TMC2: variants seen among roughly 807,000 people sequenced by gnomAD.
TMC2 encodes transmembrane channel like 2, also known as transmembrane channel-like protein 2.
A neutral mutation model predicts 105.9 loss-of-function variants in TMC2; 102 were observed. That is an observed-to-expected ratio of 0.96 (90% CI 0.82 to 1.14). TMC2 has a LOEUF of 1.14. Among genes scored for constraint, TMC2 ranks in the 50% most tolerant of loss-of-function variants. The pLI is 0.00. For missense variants in TMC2, 1,093 were observed against 1,134.3 expected, an observed-to-expected ratio of 0.96 and a Z score of 0.52; for synonymous variants, 402 against 422.8, an observed-to-expected ratio of 0.95 and a Z score of 0.60.
At chr20:2,591,716 AAGAAAAGAAAAG>A (rs2086269925) in intron 7 of TMC2, among the ~76,000 whole-genome samples, 1 of 152,142 alleles carries the variant, frequency 6.6e-6, no homozygotes. Context: ...TCAAAAAAGA[AAGAAAAGAAAAG>A]AGAAAAGAGA....
Position 2,643,124 on chromosome 20 carries a change from T to C in TMC2, c.*1773T>C, listed in dbSNP as rs1394934045. On this transcript the variant is annotated 3_prime_UTR_variant, in exon 20 of 20. Transcript: ENST00000358864. ...AACAGGATAAATTATTTCACACCAA[T>C]CTCTCCTGGCAAGGCTAACGAAGAT... 6.6e-6 allele frequency among the ~76,000 whole-genome samples: 1 copy of C among 152,056 alleles called. No individual in the cohort carries two copies. The highest frequency in any genetic ancestry group is 1.5e-5 in the Non-Finnish European group (1 of 68,020).
chr20:2,576,656 C>T (rs2086146902), intron 5 of TMC2, among the ~76,000 whole-genome samples: 1 of 152,164 alleles, frequency 6.6e-6, no homozygotes, highest in African/African-American at 2.4e-5. Flanking sequence ...TATTAACTTA[C>T]AAGAAGAAAT....
At chr20:2,605,804 C>A (rs530150366) in intron 11 of TMC2, among the ~76,000 whole-genome samples, 2 of 152,194 alleles carry the variant, frequency 1.3e-5, no homozygotes, top group Non-Finnish European at 2.9e-5. Context: ...CCTGATCTAA[C>A]CCTCCTCCCA....
chr20:2,550,442 A>G (rs1179952895), intron 2 of TMC2, among the ~76,000 whole-genome samples: 1 of 152,200 alleles, frequency 6.6e-6, no homozygotes, highest in Non-Finnish European at 1.5e-5. Flanking sequence ...AGCATGTCGC[A>G]TTGGGTGTGC....
At chr20:2,589,510 G>T (rs117997669) in intron 7 of TMC2, among the ~76,000 whole-genome samples, 1 of 151,904 alleles carries the variant, frequency 6.6e-6, no homozygotes, top group Non-Finnish European at 1.5e-5. Context: ...TGAAATCAAC[G>T]AATAACTCAT....
At position 2,542,785 on chromosome 20, in the gene TMC2, G is replaced by A. The variant is rs180801841; in HGVS notation, c.82+5469G>A. ...TGGCTCACTGCAACCTCCGCCTCCCGGGTTCAAGCAATTCTCCTGTCTCAG... is the reference window on the plus strand; with the variant it reads ...TGGCTCACTGCAACCTCCGCCTCCCAGGTTCAAGCAATTCTCCTGTCTCAG... On this transcript the variant is annotated intron_variant, in intron 2 of 19. Coordinates refer to ENST00000358864, the MANE Select transcript of TMC2 (RefSeq NM_080751.3). Among the ~76,000 whole-genome samples the A allele has an allele frequency of 3.2e-3, 484 of 150,114 alleles. 2 individuals are homozygous for A. The highest frequency in any genetic ancestry group is 0.011 in the African/African-American group (436 of 40,890).
chr20:2,577,190 G>T (rs1201640601), intron 5 of TMC2, among the ~76,000 whole-genome samples: 1 of 152,048 alleles, frequency 6.6e-6, no homozygotes, highest in African/African-American at 2.4e-5. Flanking sequence ...TTACAGGCGT[G>T]AGCAACCGTC....
chr20:2,578,949 G>A (rs76688636), intron 5 of TMC2, among the ~76,000 whole-genome samples, 197 bp from the exon 6 acceptor site: 4,145 of 152,280 alleles, frequency 0.027, 175 homozygotes, highest in African/African-American at 0.091. Context: ...CAGGCCTGAC[G>A]TTGGGGAAGT....
chr20:2,605,742 T>C (rs2086386527), intron 11 of TMC2, among the ~76,000 whole-genome samples: 1 of 152,162 alleles, frequency 6.6e-6, no homozygotes. Context: ...TCTCCCTAAA[T>C]AGACCTCACC....
chr20:2,554,991 C>A (rs1017527718), intron 2 of TMC2, among the ~76,000 whole-genome samples: 1 of 152,138 alleles, frequency 6.6e-6, no homozygotes, highest in African/African-American at 2.4e-5. Flanking sequence ...CTATTTTCTG[C>A]CTGCTGGCTC....
At chr20:2,620,643 A>C (rs375362971) in intron 16 of TMC2, among the ~76,000 whole-genome samples, 2 of 152,348 alleles carry the variant, frequency 1.3e-5, no homozygotes, top group East Asian at 1.9e-4. Context: ...AAATAAAGGC[A>C]GATCATTGGC....
chr20:2,568,092 T>C (rs1437203817), intron 4 of TMC2, among the ~76,000 whole-genome samples: 1 of 152,196 alleles, frequency 6.6e-6, no homozygotes, highest in African/African-American at 2.4e-5. Context: ...AAAGAAATTA[T>C]GGCTAAAACT....
chr20:2,589,616 A>G (rs912607823), intron 7 of TMC2, among the ~76,000 whole-genome samples: 1 of 152,100 alleles, frequency 6.6e-6, no homozygotes, highest in African/African-American at 2.4e-5. Flanking sequence ...AGTTGTTCTC[A>G]GTGAAAGAGT....
At chr20:2,631,558 C>A (rs1469575669) in intron 17 of TMC2, among the ~76,000 whole-genome samples, 1 of 152,156 alleles carries the variant, frequency 6.6e-6, no homozygotes, top group Non-Finnish European at 1.5e-5. Flanking sequence ...GATAGTCTTT[C>A]TCTTTCAATC....
At chr20:2,577,054 C>A (rs1044484507) in intron 5 of TMC2, among the ~76,000 whole-genome samples, 1 of 151,786 alleles carries the variant, frequency 6.6e-6, no homozygotes, top group African/African-American at 2.4e-5. Flanking sequence ...ATTACAGGTG[C>A]CTGCCACCAC....
At chr20:2,566,705 AAAG>A (rs1328402479) in intron 4 of TMC2, among the ~76,000 whole-genome samples, 4 of 152,228 alleles carry the variant, frequency 2.6e-5, no homozygotes, top group African/African-American at 9.6e-5. Flanking sequence ...GAAAAGGTAG[AAAG>A]AAGAAGGCAA....
intron 4 of TMC2, among the ~76,000 whole-genome samples, chr20:2,569,705 A>G (rs961486551): frequency 1.3e-5 from 2 of 152,240 alleles, no homozygotes; most frequent in Non-Finnish European, 1.5e-5. Flanking sequence ...TCTGTAGGTC[A>G]GAAGTCCAGC....
At chr20:2,629,083 C>T (rs2146263277) in intron 17 of TMC2, among the ~76,000 whole-genome samples, 1 of 152,204 alleles carries the variant, frequency 6.6e-6, no homozygotes, top group South Asian at 2.1e-4. Flanking sequence ...GCCTGGGCGA[C>T]AGAGTGAGAC....
chr20:2,546,442 G>T (rs189062804), intron 2 of TMC2, among the ~76,000 whole-genome samples: 5 of 151,292 alleles, frequency 3.3e-5, no homozygotes, highest in African/African-American at 1.2e-4. Flanking sequence ...TAAAAGAATA[G>T]GAAAGAGAAG....
Sources: gnomAD v4.1 joint callset for allele counts (sites outside exome capture counted in the v4.1 genomes callset) on GRCh38, gnomAD v4.1.1 for gene constraint, MANE v1.5 for transcripts, NCBI Gene and HGNC (gene_info 2026-07-23, HGNC 2026-07-21) for gene names.